Variants in CDK14 observed in about 807,000 individuals in gnomAD.
CDK14 encodes the protein cyclin dependent kinase 14, also known as cyclin-dependent kinase 14.
Under a neutral mutation model 60.7 loss-of-function variants are expected in CDK14, and 34 were observed. The observed-to-expected ratio is 0.56, with a 90% CI of 0.43 to 0.75. The LOEUF is 0.75. Among genes scored for constraint, CDK14 ranks in the 30% least tolerant of loss-of-function variants. The pLI is 0.00. For missense variants in CDK14, 482 were observed against 564.1 expected (o/e 0.85, Z 1.47); for synonymous variants, 197 against 203.7 (o/e 0.97, Z 0.28).
chr7:90,621,114 T>G (rs1799756092), intron 2 of CDK14, among the ~76,000 whole-genome samples: 1 of 152,152 alleles, frequency 6.6e-6, no homozygotes, highest in Non-Finnish European at 1.5e-5. Flanking sequence ...ACATCTACAG[T>G]GTGCATCTGG....
intron 12 of CDK14, among the ~76,000 whole-genome samples, chr7:91,091,627 C>A (rs959493299): frequency 6.8e-6 from 1 of 147,454 alleles, no homozygotes; most frequent in South Asian, 2.1e-4. Flanking sequence ...CAAGATCATA[C>A]CATTGCACTC....
chr7:90,893,193 G>A (rs1036174306), intron 6 of CDK14, among the ~76,000 whole-genome samples: 1 of 152,130 alleles, frequency 6.6e-6, no homozygotes, highest in African/African-American at 2.4e-5. Context: ...GCATTCAGGT[G>A]TAACCTTGTC....
intron 2 of CDK14, among the ~76,000 whole-genome samples, chr7:90,675,488 C>T (rs1801181936): frequency 6.6e-6 from 1 of 152,016 alleles, no homozygotes; most frequent in African/African-American, 2.4e-5. Flanking sequence ...GTATCATCAA[C>T]AGTTAACTTT....
chr7:91,167,187 A>C (rs1404394735), intron 14 of CDK14, among the ~76,000 whole-genome samples: 1 of 152,234 alleles, frequency 6.6e-6, no homozygotes, highest in African/African-American at 2.4e-5. Context: ...TCACCGAACA[A>C]CACACAGACA....
chr7:91,140,024 A>C (rs1480018229), intron 14 of CDK14, among the ~76,000 whole-genome samples: 2 of 152,114 alleles, frequency 1.3e-5, no homozygotes, highest in Non-Finnish European at 2.9e-5. Flanking sequence ...TTACAATTTT[A>C]AACAGAGAAA....
At chr7:90,816,676 A>G (rs886922375) in intron 5 of CDK14, among the ~76,000 whole-genome samples, 5 of 152,166 alleles carry the variant, frequency 3.3e-5, no homozygotes, top group Admixed American at 2.0e-4. Context: ...GAGTATCTTC[A>G]GCGAGGGTGA....
At chr7:91,080,155 A>T (rs1390335185) in intron 12 of CDK14, among the ~76,000 whole-genome samples, 1 of 152,258 alleles carries the variant, frequency 6.6e-6, no homozygotes, top group African/African-American at 2.4e-5. Context: ...TATGCTGGAT[A>T]AAAGACAACT....
intron 5 of CDK14, among the ~76,000 whole-genome samples, chr7:90,860,950 C>G (rs1450854013): frequency 6.6e-6 from 1 of 152,138 alleles, no homozygotes; most frequent in East Asian, 1.9e-4. Context: ...CTGGTCCTCT[C>G]TGGGTTTTTA....
chr7:91,024,731 C>T (rs1796528406), intron 10 of CDK14, among the ~76,000 whole-genome samples: 1 of 152,178 alleles, frequency 6.6e-6, no homozygotes, highest in South Asian at 2.1e-4. Flanking sequence ...TAGTGCCTTT[C>T]CATGATCATG....
chr7:91,122,572 A>T (rs576956985), intron 14 of CDK14, among the ~76,000 whole-genome samples: 4 of 152,174 alleles, frequency 2.6e-5, no homozygotes, highest in African/African-American at 9.6e-5. Flanking sequence ...ACAGCCACCT[A>T]TTGCTCTCCT....
intron 2 of CDK14, among the ~76,000 whole-genome samples, chr7:90,691,223 C>A (rs986316178): frequency 6.6e-6 from 1 of 151,940 alleles, no homozygotes; most frequent in African/African-American, 2.4e-5. Context: ...AACAGTCCTG[C>A]CCTCCCGGAA....
intron 5 of CDK14, among the ~76,000 whole-genome samples, chr7:90,810,698 A>C (rs1372562759): frequency 6.6e-6 from 1 of 152,092 alleles, no homozygotes; most frequent in Non-Finnish European, 1.5e-5. Context: ...AGATGACATG[A>C]TTGTATATCT....
At chr7:91,097,126 A>G (rs558411851) in intron 12 of CDK14, among the ~76,000 whole-genome samples, 1 of 152,288 alleles carries the variant, frequency 6.6e-6, no homozygotes, top group South Asian at 2.1e-4. Context: ...CACACCTGTA[A>G]TCCCAGCACT....
chr7:90,657,482 T>C (rs1426092805), intron 2 of CDK14, among the ~76,000 whole-genome samples: 1 of 152,216 alleles, frequency 6.6e-6, no homozygotes, highest in Non-Finnish European at 1.5e-5. Context: ...TTTAGTTTTC[T>C]GGCATAGTGT....
chr7:90,944,664 T>C (rs1794044713), intron 8 of CDK14, among the ~76,000 whole-genome samples: 1 of 152,198 alleles, frequency 6.6e-6, no homozygotes, highest in African/African-American at 2.4e-5. Context: ...CCCAGGAGTG[T>C]GAGGCTGCAG....
chr7:90,915,470 C>T (rs1049986670), intron 7 of CDK14, among the ~76,000 whole-genome samples: 7 of 151,946 alleles, frequency 4.6e-5, no homozygotes, highest in Non-Finnish European at 1.0e-4. Context: ...TTCTTGGAGC[C>T]GGGGAATATA....
At chr7:90,705,229 CGTAT>C (rs1227389130) in intron 2 of CDK14, among the ~76,000 whole-genome samples, 1 of 151,442 alleles carries the variant, frequency 6.6e-6, no homozygotes, top group East Asian at 1.9e-4. Context: ...TAGTTAGATT[CGTAT>C]ATATAAAGTA....
intron 5 of CDK14, among the ~76,000 whole-genome samples, chr7:90,795,748 A>G (rs1213285201): frequency 6.6e-6 from 1 of 152,092 alleles, no homozygotes; most frequent in Non-Finnish European, 1.5e-5. Flanking sequence ...CCAAAAAGGA[A>G]CCAGAAGAAA....
intron 2 of CDK14, among the ~76,000 whole-genome samples, chr7:90,634,355 A>G (rs1486679897): frequency 4.4e-5 from 6 of 135,252 alleles, no homozygotes; most frequent in Admixed American, 1.7e-4. Context: ...CTCATTGTTC[A>G]ATTCCCATCT....
Sources: gnomAD v4.1 joint callset for allele counts (sites outside exome capture counted in the v4.1 genomes callset) on GRCh38, gnomAD v4.1.1 for gene constraint, MANE v1.5 for transcripts, NCBI Gene and HGNC (gene_info 2026-07-23, HGNC 2026-07-21) for gene names.